ANKRD6: variants seen among roughly 807,000 people sequenced by gnomAD.
The protein encoded by ANKRD6 is ankyrin repeat domain-containing protein 6.
A neutral mutation model predicts 82.3 loss-of-function variants in ANKRD6; 56 were observed. The observed-to-expected ratio is 0.68, with a 90% CI of 0.55 to 0.85. The LOEUF is 0.85. Among genes scored for constraint, ANKRD6 ranks in the 40% least tolerant of loss-of-function variants. The probability of loss-of-function intolerance (pLI) is 0.00; values close to 1 mark genes in which losing one functional copy is unlikely to be tolerated. For missense variants in ANKRD6, 852 were observed against 907.6 expected, an observed-to-expected ratio of 0.94 and a Z score of 0.79; for synonymous variants, 347 against 352.1, an observed-to-expected ratio of 0.99 and a Z score of 0.16.
intron 1 of ANKRD6, among the ~76,000 whole-genome samples, chr6:89,536,583 G>A (rs1783868463): frequency 6.6e-6 from 1 of 152,248 alleles, no homozygotes; most frequent in African/African-American, 2.4e-5. Flanking sequence ...GTTAAGGAAT[G>A]TAGCTGATTC....
At chr6:89,496,196 T>TA (rs1366192762) in intron 1 of ANKRD6, among the ~76,000 whole-genome samples, 3 of 148,618 alleles carry the variant, frequency 2.0e-5, no homozygotes, top group Non-Finnish European at 3.0e-5. Flanking sequence ...CCACCATAAT[T>TA]AAAGTACTTA....
At chr6:89,513,824 C>T (rs1358105909) in intron 1 of ANKRD6, among the ~76,000 whole-genome samples, 1 of 152,178 alleles carries the variant, frequency 6.6e-6, no homozygotes, top group Non-Finnish European at 1.5e-5. Flanking sequence ...AAGTGAAGAA[C>T]AAGGCAATCT....
intron 3 of ANKRD6, chr6:89,598,449 C>T (rs928351241): frequency 8.8e-5 from 86 of 982,844 alleles, no homozygotes; most frequent in Non-Finnish European, 9.8e-5. Flanking sequence ...ACTTGCTTTA[C>T]ACACCTAACC....
chr6:89,509,156 C>G (rs949315768), intron 1 of ANKRD6: 6 of 152,330 alleles, frequency 3.9e-5, no homozygotes, highest in Admixed American at 6.5e-5. Context: ...TGCCTCTCTC[C>G]TGGCTGCTTC....
Position 89,624,673 on chromosome 6 carries a change from G to C in ANKRD6, c.1353G>C (p.Glu451Asp). Residue 451 changes from glutamate (E) to aspartate (D), a missense_variant, in exon 13 of 16, where the codon GAG becomes GAC. Coordinates refer to ENST00000339746, the MANE Select transcript of ANKRD6 (RefSeq NM_001242809.2). ...DKMNTKLGQM[E>D]NKTQHQMRVL... The stretch of plus-strand genomic sequence containing the variant: ...TGAATACAAAGCTGGGGCAGATGGA[G>C]AATAAGACCCAGCACCAAGTATGTC... 3 of 1,603,752 alleles carry C rather than the reference G, an allele frequency of 1.9e-6. No individual in the cohort carries two copies. The highest frequency in any genetic ancestry group is 2.6e-6 in the Non-Finnish European group (3 of 1,175,054).
rs61745985 is a variant in ANKRD6 at position 89,617,983 on chromosome 6, C to A, written c.744C>A (p.Arg248=). The A allele has an allele frequency of 1.5e-4, 246 of 1,614,056 alleles. 1 individual carries two copies. In the African/African-American group the frequency reaches 3.0e-3, roughly 19 times the overall value. ...NAGQTPLETA[R]YHNNPEVALL... ...GCCAGACTCCGCTGGAGACTGCCCG[C>A]TACCACAATAACCCGGAAGTTGCTC... Residue 248 remains arginine, a synonymous_variant, in exon 9 of 16, where the codon CGC becomes CGA. Transcript: ENST00000339746.
intron 3 of ANKRD6, among the ~76,000 whole-genome samples, chr6:89,600,309 C>CA (rs1297328818): frequency 6.6e-6 from 1 of 152,090 alleles, no homozygotes; most frequent in Non-Finnish European, 1.5e-5. Context: ...TGAAACATGA[C>CA]AAAAAATATT....
chr6:89,552,816 G>C (rs1457917384), intron 1 of ANKRD6, among the ~76,000 whole-genome samples: 1 of 152,106 alleles, frequency 6.6e-6, no homozygotes, highest in Non-Finnish European at 1.5e-5. Context: ...CATATAACCT[G>C]CCTAGGGCCA....
intron 2 of ANKRD6, among the ~76,000 whole-genome samples, chr6:89,575,760 T>C (rs2128101870): frequency 6.6e-6 from 1 of 152,262 alleles, no homozygotes; most frequent in East Asian, 1.9e-4. Flanking sequence ...CTTGTTCAAA[T>C]AGGGCATGCC....
At chr6:89,481,178 C>A (rs1204537013) in intron 1 of ANKRD6, among the ~76,000 whole-genome samples, 1 of 152,016 alleles carries the variant, frequency 6.6e-6, no homozygotes, top group African/African-American at 2.4e-5. Flanking sequence ...AATGAGCATC[C>A]CCCACTTTAG....
At position 89,603,083 on chromosome 6, in the gene ANKRD6, G is replaced by T. The variant is rs747899705; in HGVS notation, c.274G>T (p.Ala92Ser). ...AGTGGTGGGGAACACGGAGATCATC[G>T]CGGCGCTCATCCACGAAGGGTGTGC... ...ATVVGNTEIIAALIHEGCALD... is the reference protein window; with the variant it reads ...ATVVGNTEIISALIHEGCALD... Residue 92 changes from alanine (A) to serine (S), a missense_variant, in exon 4 of 16, where the codon GCG becomes TCG. Ala to Ser is a moderately conservative substitution (Grantham distance 99). Coordinates refer to ENST00000339746, the MANE Select transcript of ANKRD6 (RefSeq NM_001242809.2). 1.2e-6 allele frequency: 2 copies of T among 1,608,670 alleles called. No homozygotes were observed. Among genetic ancestry groups the T allele is most frequent in the Admixed American group, 1.7e-5 (1 of 59,366 alleles).
At position 89,458,173 on chromosome 6, in the gene ANKRD6, T is replaced by C. The variant is rs143830376; in HGVS notation, c.-144+24798T>C. 7.8e-3 allele frequency among the ~76,000 whole-genome samples: 1,193 copies of C among 152,354 alleles called. 18 individuals are homozygous for C. Among genetic ancestry groups the C allele is most frequent in the African/African-American group, 0.027 (1,114 of 41,574 alleles). ...CCACTGAGTCTATGGTATTCTGTTA[T>C]AGCAGCCAGAACTACTAAGACACGA... is the stretch of plus-strand genomic sequence containing the variant. On this transcript the variant is annotated intron_variant, in intron 1 of 15. Transcript: ENST00000339746.
chr6:89,455,151 G>GTGT (rs1773350204), intron 1 of ANKRD6, among the ~76,000 whole-genome samples: 6 of 139,944 alleles, frequency 4.3e-5, no homozygotes, highest in Admixed American at 4.3e-4. Context: ...GTGTGTGTGT[G>GTGT]TTTTTTTTTT....
At chr6:89,606,203 G>T (rs976356215) in intron 5 of ANKRD6, 98 bp downstream of exon 5, 9 of 948,144 alleles carry the variant, frequency 9.5e-6, no homozygotes, top group Middle Eastern at 3.5e-4. Context: ...AAGAGTGAGA[G>T]CCCAGAGTGG....
At chr6:89,498,288 A>G (rs1214598757) in intron 1 of ANKRD6, among the ~76,000 whole-genome samples, 2 of 152,316 alleles carry the variant, frequency 1.3e-5, no homozygotes, top group East Asian at 1.9e-4. Flanking sequence ...ATTCTTTTCT[A>G]TAGCTAAGGA....
intron 8 of ANKRD6, chr6:89,616,969 C>A: frequency 1.9e-6 from 1 of 524,990 alleles, no homozygotes; most frequent in South Asian, 1.5e-5. Flanking sequence ...GAGTTCCAAG[C>A]TGTAAATGCA....
intron 2 of ANKRD6, among the ~76,000 whole-genome samples, chr6:89,579,756 C>CAAAAAAAAA (rs61159223): frequency 2.9e-5 from 2 of 68,502 alleles, no homozygotes; most frequent in Non-Finnish European, 4.9e-5. Context: ...GACCCTGTCT[C>CAAAAAAAAA]AAAAAAAAAA....
At chr6:89,478,052 A>G (rs2127801193) in intron 1 of ANKRD6, 1 of 152,318 alleles carries the variant, frequency 6.6e-6, no homozygotes, top group Non-Finnish European at 1.5e-5. Context: ...TAGAGATGGG[A>G]TCTCTACAGA....
At chr6:89,547,825 C>T (rs1356470375) in intron 1 of ANKRD6, among the ~76,000 whole-genome samples, 1 of 152,156 alleles carries the variant, frequency 6.6e-6, no homozygotes, top group African/African-American at 2.4e-5. Flanking sequence ...TGTTAATGGG[C>T]ATTTCCTATG....
Sources: gnomAD v4.1 joint callset for allele counts (sites outside exome capture counted in the v4.1 genomes callset) on GRCh38, gnomAD v4.1.1 for gene constraint, MANE v1.5 for transcripts, NCBI Gene and HGNC (gene_info 2026-07-23, HGNC 2026-07-21) for gene names.